Variants in INSRR observed in about 807,000 individuals in gnomAD.
INSRR encodes the protein insulin receptor-related protein.
INSRR carries 114 observed loss-of-function variants against 130.0 expected under a neutral mutation model. The observed-to-expected ratio is 0.88, with a 90% CI of 0.75 to 1.02. The LOEUF is 1.02. Ranked by LOEUF, INSRR falls within the 50% of genes least tolerant of loss-of-function variation. The pLI, the probability that INSRR is intolerant of heterozygous loss-of-function variation, is 0.00. For missense variants in INSRR, 1,657 were observed against 1,735.2 expected (o/e 0.95, Z 0.80); for synonymous variants, 674 against 705.2 (o/e 0.96, Z 0.70).
At chr1:156,841,301 A>G in intron 21 of INSRR, 93 bp downstream of exon 21, 1 of 1,226,592 alleles carries the variant, frequency 8.2e-7, no homozygotes, top group Non-Finnish European at 1.2e-6. Context: ...TGGATGTCAA[A>G]GCATCAGAGG....
intron 21 of INSRR, 133 bp from the exon 22 acceptor site, chr1:156,841,237 A>AT: frequency 1.1e-6 from 1 of 894,242 alleles, no homozygotes. Flanking sequence ...AAGGGATTAA[A>AT]TGGGAGTCTT....
At chr1:156,849,503 C>CTGGGGGGGGGGGGGGGGG in intron 5 of INSRR, 43 bp from the exon 6 acceptor site, 5 of 483,666 alleles carry the variant, frequency 1.0e-5, no homozygotes, top group Non-Finnish European at 1.3e-5. Flanking sequence ...GAGGTGGGGG[C>CTGGGGGGGGGGGGGGGGG]AGGGGGTGGG....
chr1:156,842,374 C>A (rs761488096), intron 18 of INSRR, 24 bp downstream of exon 18: 2 of 1,612,838 alleles, frequency 1.2e-6, no homozygotes, highest in Non-Finnish European at 1.7e-6. Flanking sequence ...TTCTTTCACT[C>A]CCCAGGGTCT....
Position 156,842,917 on chromosome 1 carries a change from C to A in INSRR, c.3126+87G>T, listed in dbSNP as rs545506314. On this transcript the variant is annotated intron_variant, in intron 17 of 21. Coordinates refer to ENST00000368195, the MANE Select transcript of INSRR (RefSeq NM_014215.3). ...GGTCCCAATCTTGACCTTAATGGTG[C>A]CCTAACCTCATCTCTGACCCTTTCT... is the stretch of plus-strand genomic sequence containing the variant. The A allele has an allele frequency of 3.8e-4, 392 of 1,039,388 alleles. 2 individuals carry two copies. The African/African-American group carries it at 5.3e-3, about 14-fold the overall frequency. 64.4% of individuals were successfully genotyped at this position (1,039,388 alleles called of 1,614,324 possible). A position where few individuals can be genotyped will look rare whatever the true frequency, so the allele number is the denominator to read the frequency against.
At position 156,841,060 on chromosome 1, in the gene INSRR, C is replaced by A; in HGVS notation, c.3707G>T (p.Arg1236Leu). 1 of 1,581,722 alleles carries A rather than the reference C, an allele frequency of 6.3e-7. No individual in the cohort carries two copies. Among genetic ancestry groups the A allele is most frequent in the Non-Finnish European group, 8.6e-7 (1 of 1,163,394 alleles). Reference sequence around the variant, plus strand: ...GTCCAGAATGTGTGTGAAAGATGGGCGCAGGCGTGGGTTCGGCTGCCAGCA... The same window carrying A: ...GTCCAGAATGTGTGTGAAAGATGGGAGCAGGCGTGGGTTCGGCTGCCAGCA... The part of the protein sequence containing the change: ...SRCWQPNPRL[R>L]PSFTHILDSI... The change falls in exon 22 of 22, where the codon CGC (arginine) becomes CTC (leucine). Residue 1236 changes from arginine to leucine, a missense_variant. By Grantham distance (102) the Arg-to-Leu change is moderately radical. Coordinates refer to ENST00000368195, the MANE Select transcript of INSRR (RefSeq NM_014215.3).
chr1:156,844,252 G>A lies in INSRR; in HGVS notation c.2766C>T (p.Val922=). The A allele has an allele frequency of 6.2e-7, 1 of 1,613,844 alleles. No homozygotes were observed. The highest frequency in any genetic ancestry group is 8.5e-7 in the Non-Finnish European group (1 of 1,179,878). Reference sequence around the variant, plus strand: ...GCCCCACAGGGGTGGCAGTGAGGAGGACATGCAGCCCCCCAGCATCCTCCT... The same window carrying A: ...GCCCCACAGGGGTGGCAGTGAGGAGAACATGCAGCCCCCCAGCATCCTCCT... The part of the protein sequence containing the change: ...PEEEDAGGLH[V]LLTATPVGLT... Residue 922 remains valine, a synonymous_variant, in exon 15 of 22, where the codon GTC becomes GTT. Coordinates refer to ENST00000368195, the MANE Select transcript of INSRR (RefSeq NM_014215.3).
chr1:156,853,925 C>T lies in INSRR; in HGVS notation c.464G>A (p.Trp155Ter). 6.2e-7 allele frequency: 1 copy of T among 1,614,114 alleles called. No individual in the cohort carries two copies. Among genetic ancestry groups the T allele is most frequent in the South Asian group, 1.1e-5 (1 of 91,074 alleles). ...GCCAGGTGCTGGCTGCAGCAGTCCC[C>T]AGTCAATGGTGGAGAGGTGGCAGAG... The part of the protein sequence containing the change: ...QELCHLSTID[W>*]GLLQPAPGAN... The change falls in exon 2 of 22, where the codon TGG (tryptophan) becomes TAG (stop). Residue 155 changes from tryptophan (W) to a stop codon, truncating the protein, a stop_gained. Coordinates refer to ENST00000368195, the MANE Select transcript of INSRR (RefSeq NM_014215.3). LOFTEE classifies it high-confidence loss of function.
At position 156,840,533 on chromosome 1, in the gene INSRR, C is replaced by T. The variant is rs1164170134; in HGVS notation, c.*340G>A. On this transcript the variant is annotated 3_prime_UTR_variant, in exon 22 of 22. Transcript: ENST00000368195. The stretch of plus-strand genomic sequence containing the variant: ...TGGCCCTACCTGTCCAGAGGAGACC[C>T]CAAACTGAGGGGCAGGGCCTCTAGG... 2.9e-6 allele frequency: 1 copy of T among 347,962 alleles called. No individual in the cohort carries two copies. Among genetic ancestry groups the T allele is most frequent in the African/African-American group, 2.1e-5 (1 of 47,912 alleles). 21.6% of individuals were successfully genotyped at this position (347,962 alleles called of 1,614,324 possible). A position where few individuals can be genotyped will look rare whatever the true frequency, so the allele number is the denominator to read the frequency against.
Position 156,846,524 on chromosome 1 carries a change from G to A in INSRR, c.1805C>T (p.Pro602Leu). ...QSPIVYLRTL[P>L]AAPTVPQDVI... ...TGCACCCTCCAAATGCCTACCTGCA[G>A]GCAGCGTTCGGAGGTAGACGATGGG... The change falls in exon 8 of 22, where the codon CCT (proline) becomes CTT (leucine). Residue 602 changes from proline (P) to leucine (L), a missense_variant. Physicochemically the swap from Pro to Leu is moderately conservative, Grantham distance 98 (BLOSUM62 -3). Coordinates refer to ENST00000368195, the MANE Select transcript of INSRR (RefSeq NM_014215.3). 6.2e-7 allele frequency: 1 copy of A among 1,613,224 alleles called. No homozygotes were observed. Among genetic ancestry groups the A allele is most frequent in the Non-Finnish European group, 8.5e-7 (1 of 1,179,268 alleles).
chr1:156,854,138 A>G lies in INSRR; in HGVS notation c.251T>C (p.Leu84Pro). The G allele has an allele frequency of 6.2e-7, 1 of 1,614,174 alleles. No individual in the cohort carries two copies. The change falls in exon 2 of 22, where the codon CTG (leucine) becomes CCG (proline). Residue 84 changes from leucine to proline, a missense_variant. Transcript: ENST00000368195. This position sits in a 1 kb window ranked among gnomAD's most constrained non-coding sequence, Gnocchi z 4.2. ...CTCCAGTCCGTAGACACGGAAGAGC[A>G]GCAGGTAGTCGGTGACCTGGGTGAG... The part of the protein sequence containing the change: ...PRLTQVTDYL[L>P]LFRVYGLESL...
chr1:156,844,328 A>C lies in INSRR; in HGVS notation c.2738-48T>G, dbSNP rs199859832. 20 of 1,568,650 alleles carry C rather than the reference A, an allele frequency of 1.3e-5. No individual in the cohort carries two copies. The East Asian group carries it at 4.5e-4, about 35-fold the overall frequency. ...GGGTAGAGTCAAAGATGTAGAAGTC[A>C]GAGGGAAGGTCATGCTTCTCTTTCC... On this transcript the variant is annotated intron_variant, in intron 14 of 21. Coordinates refer to ENST00000368195, the MANE Select transcript of INSRR (RefSeq NM_014215.3).
chr1:156,845,513 G>C (rs1235752756), intron 10 of INSRR, 100 bp from the exon 11 acceptor site: 4 of 1,475,590 alleles, frequency 2.7e-6, no homozygotes, highest in East Asian at 4.7e-5. Flanking sequence ...CCCGGGACCC[G>C]CCCACACAAG....
intron 10 of INSRR, 69 bp downstream of exon 10, chr1:156,845,550 C>A (rs1434365969): frequency 4.3e-6 from 6 of 1,390,694 alleles, no homozygotes; most frequent in East Asian, 4.8e-5. Flanking sequence ...AACCCCACCC[C>A]TCCCGCAAGA....
intron 6 of INSRR, 72 bp from the exon 7 acceptor site, chr1:156,849,119 A>T: frequency 6.3e-7 from 1 of 1,596,994 alleles, no homozygotes; most frequent in Non-Finnish European, 8.5e-7. Context: ...ACCCCGCGGC[A>T]TCCCATTCCC....
rs1571673775 is a variant in INSRR at position 156,854,378 on chromosome 1, G to A, written c.86-75C>T. ...CCCATCCAGCCCTGGCAGCTTTGGA[G>A]GGGAGCCACACTGGCAGTAGGACAA... On this transcript the variant is annotated intron_variant, in intron 1 of 21. Transcript: ENST00000368195. The surrounding 1 kb of genome is among the most constrained non-coding windows in gnomAD (Gnocchi z 4.2). The A allele has an allele frequency of 5.0e-6, 7 of 1,410,826 alleles. No individual in the cohort carries two copies. In the South Asian group the frequency reaches 6.8e-5, roughly 14 times the overall value. 87.4% of individuals were successfully genotyped at this position (1,410,826 alleles called of 1,614,324 possible).
In INSRR at chr1:156,845,098, G is replaced by A; in HGVS notation, c.2415C>T (p.Val805=). ...HTVGCSAATF[V]FARTMPHREA... Reference sequence around the variant, plus strand: ...TACTGTGGGGCATGGTGCGCGCAAAGACGAAGGTGGCGGCGCTGCAGCCCA... The same window carrying A: ...TACTGTGGGGCATGGTGCGCGCAAAAACGAAGGTGGCGGCGCTGCAGCCCA... The change falls in exon 12 of 22, where the codon GTC becomes GTT. Residue 805 remains valine (V), a synonymous_variant. Transcript: ENST00000368195. 1.2e-6 allele frequency: 2 copies of A among 1,610,056 alleles called. No individual in the cohort carries two copies. Among genetic ancestry groups the A allele is most frequent in the Non-Finnish European group, 1.7e-6 (2 of 1,178,676 alleles).
intron 1 of INSRR, among the ~76,000 whole-genome samples, chr1:156,855,370 AT>A (rs1298475780): frequency 3.9e-5 from 6 of 151,996 alleles, no homozygotes; most frequent in Non-Finnish European, 7.4e-5. Flanking sequence ...TACCCAGCTA[AT>A]TTTTTGCATT....
At chr1:156,847,907 T>C (rs1571664594) in intron 7 of INSRR, among the ~76,000 whole-genome samples, 1 of 152,082 alleles carries the variant, frequency 6.6e-6, no homozygotes, top group Non-Finnish European at 1.5e-5. Context: ...GTGCAGATTG[T>C]GAAGTGCACA....
chr1:156,846,560 C>T lies in INSRR; in HGVS notation c.1769G>A (p.Gly590Glu), dbSNP rs1408545884. 1 of 1,614,184 alleles carries T rather than the reference C, an allele frequency of 6.2e-7. No individual in the cohort carries two copies. Among genetic ancestry groups the T allele is most frequent in the Non-Finnish European group, 8.5e-7 (1 of 1,180,040 alleles). The change falls in exon 8 of 22, where the codon GGA becomes GAA. Residue 590 changes from glycine (G) to glutamate (E), a missense_variant. Gly to Glu is a moderately conservative substitution (Grantham distance 98). Coordinates refer to ENST00000368195, the MANE Select transcript of INSRR (RefSeq NM_014215.3). ...LTTEEDSPHQGAQSPIVYLRT... is the reference protein window; with the variant it reads ...LTTEEDSPHQEAQSPIVYLRT... ...GAGGTAGACGATGGGACTCTGGGCT[C>T]CTTGATGAGGGCTGTCCTCCTCAGT...
Sources: gnomAD v4.1 joint callset for allele counts (sites outside exome capture counted in the v4.1 genomes callset) on GRCh38, gnomAD v4.1.1 for gene constraint, Gnocchi (gnomAD v3.1) non-coding constraint, MANE v1.5 for transcripts, NCBI Gene and HGNC (gene_info 2026-07-23, HGNC 2026-07-21) for gene names.